The following RFC3 variants were observed in gnomAD, a reference collection of about 807,000 sequenced individuals.
RFC3 encodes replication factor C subunit 3.
Under a neutral mutation model 45.1 loss-of-function variants are expected in RFC3, and 41 were observed. That is an observed-to-expected ratio of 0.91 (90% CI 0.71 to 1.18). The LOEUF is 1.18. Among genes scored for constraint, RFC3 ranks in the 50% most tolerant of loss-of-function variants. The pLI is 0.00. For missense variants in RFC3, 423 were observed against 428.1 expected, an observed-to-expected ratio of 0.99 and a Z score of 0.10; for synonymous variants, 149 against 144.0, an observed-to-expected ratio of 1.03 and a Z score of -0.25.
intron 6 of RFC3, 105 bp downstream of exon 6, chr13:33,830,960 G>A (rs889632578): frequency 6.8e-6 from 6 of 880,848 alleles, no homozygotes; most frequent in Non-Finnish European, 8.6e-6. Context: ...GGGCAGGGGT[G>A]GGGGATGGTT....
intron 8 of RFC3, among the ~76,000 whole-genome samples, chr13:33,875,197 T>A (rs564927626): frequency 6.6e-4 from 100 of 152,136 alleles, no homozygotes; most frequent in African/African-American, 2.3e-3. Context: ...GGTTATGGAG[T>A]CTCATAGAGA....
At position 33,893,160 on chromosome 13, in the gene RFC3, T is replaced by C. The variant is rs1013578184; in HGVS notation, c.879+57943T>C. 5.9e-5 allele frequency among the ~76,000 whole-genome samples: 9 copies of C among 152,230 alleles called. No individual in the cohort carries two copies. The South Asian group carries it at 1.2e-3, about 21-fold the overall frequency. The stretch of plus-strand genomic sequence containing the variant: ...AAAGGGAGATGCCAAATCAGAGTGG[T>C]TGTTCAGCAGCACCACACCATTGGA... On this transcript the variant is annotated intron_variant, in intron 8 of 8. Coordinates refer to the RFC3 transcript ENST00000434425.
chr13:33,913,047 A>G (rs2082712533), intron 8 of RFC3, among the ~76,000 whole-genome samples: 1 of 152,142 alleles, frequency 6.6e-6, no homozygotes, highest in South Asian at 2.1e-4. Context: ...AAAGAGGATC[A>G]GAAGACAAAG....
intron 8 of RFC3, among the ~76,000 whole-genome samples, chr13:33,855,841 T>G (rs2082305820): frequency 6.6e-6 from 1 of 152,174 alleles, no homozygotes; most frequent in South Asian, 2.1e-4. Context: ...CTTGTAAATT[T>G]AAGTTTTTTA....
At chr13:33,930,181 G>C (rs555830040) in intron 8 of RFC3, among the ~76,000 whole-genome samples, 26 of 152,198 alleles carry the variant, frequency 1.7e-4, no homozygotes, top group African/African-American at 6.0e-4. Context: ...TATATATGAA[G>C]GGGAGCTTAT....
chr13:33,867,284 G>A (rs962120456), intron 8 of RFC3, among the ~76,000 whole-genome samples: 1 of 152,180 alleles, frequency 6.6e-6, no homozygotes, highest in African/African-American at 2.4e-5. Context: ...ACTCAGAGAT[G>A]TGCATGTCCA....
At chr13:33,960,345 G>T (rs1452015366) in intron 8 of RFC3, among the ~76,000 whole-genome samples, 1 of 152,222 alleles carries the variant, frequency 6.6e-6, no homozygotes, top group East Asian at 1.9e-4. Flanking sequence ...CACTCCATAA[G>T]ATCAGGGGCT....
rs1246113364 is a variant in RFC3, at chr13:33,836,155, G to C, written c.931G>C (p.Val311Leu). ...TTGTGATGGACAACTGAAAGGGGAG[G>C]TGGCACAAATGGCAGCTTACTATGA... Reference protein sequence around the residue: ...HNCDGQLKGEVAQMAAYYEHR... With the variant: ...HNCDGQLKGELAQMAAYYEHR... Residue 311 changes from valine (V) to leucine (L), a missense_variant, in exon 9 of 9, where the codon GTG (valine) becomes CTG (leucine). Coordinates refer to ENST00000380071, the MANE Select transcript of RFC3 (RefSeq NM_002915.4). 3.1e-6 allele frequency: 5 copies of C among 1,613,142 alleles called. No individual in the cohort carries two copies. In the African/African-American group the frequency reaches 4.0e-5, roughly 13 times the overall value.
downstream of RFC3, among the ~76,000 whole-genome samples, chr13:33,839,378 CG>C (rs987702329): frequency 6.6e-6 from 1 of 152,110 alleles, no homozygotes; most frequent in African/African-American, 2.4e-5. Context: ...TTCCTTGCCC[CG>C]ATGTTGAATC....
chr13:33,973,816 A>C, the RFC3 span, among the ~76,000 whole-genome samples: 1 of 151,894 alleles, frequency 6.6e-6, no homozygotes, highest in East Asian at 1.9e-4. Flanking sequence ...ACGCCTGGCT[A>C]ATTTTTGTGT....
At chr13:33,931,830 T>A (rs1255393889) in intron 8 of RFC3, among the ~76,000 whole-genome samples, 1 of 152,136 alleles carries the variant, frequency 6.6e-6, no homozygotes, top group Non-Finnish European at 1.5e-5. Flanking sequence ...ATGAATTCTT[T>A]TTAACACCTT....
At position 33,818,264 on chromosome 13, in the gene RFC3, T is replaced by C; in HGVS notation, c.86T>C (p.Leu29Pro). 6.2e-7 allele frequency: 1 copy of C among 1,613,180 alleles called. No homozygotes were observed. Among genetic ancestry groups the C allele is most frequent in the East Asian group, 2.2e-5 (1 of 44,872 alleles). The change falls in exon 1 of 9, where the codon CTG (leucine) becomes CCG (proline). Residue 29 changes from leucine (L) to proline (P), a missense_variant and splice_region_variant. Leu to Pro is a moderately conservative substitution (Grantham distance 98). Coordinates refer to ENST00000380071, the MANE Select transcript of RFC3 (RefSeq NM_002915.4). ...GAGCAGGCGGCCCAGCTGCGGAACC[T>C]GGTGAGTCTGCGGGGGCCGGGAGCG... is the stretch of plus-strand genomic sequence containing the variant. ...HKEQAAQLRNLVQCGDFPHLL... is the reference protein window; with the variant it reads ...HKEQAAQLRNPVQCGDFPHLL...
rs181075181 is a variant in RFC3, at chr13:33,905,884, C to A, written c.880-60203C>A. Among the ~76,000 whole-genome samples the A allele has an allele frequency of 6.5e-4, 99 of 152,200 alleles. 1 individual carries two copies. Among genetic ancestry groups the A allele is most frequent in the Admixed American group, 5.9e-3 (90 of 15,282 alleles). On this transcript the variant is annotated intron_variant, in intron 8 of 8. Coordinates refer to the RFC3 transcript ENST00000434425. ...TCTGACCTGATAAGACAATCCATAT[C>A]TATGTGCTAATAGGAAGAAGTCTTA...
At chr13:33,874,471 C>T (rs1401503234) in intron 8 of RFC3, among the ~76,000 whole-genome samples, 1 of 152,200 alleles carries the variant, frequency 6.6e-6, no homozygotes, top group Non-Finnish European at 1.5e-5. Context: ...GCATGCGCCA[C>T]CACGCCTGGC....
At chr13:33,907,989 A>T (rs2082681412) in intron 8 of RFC3, among the ~76,000 whole-genome samples, 1 of 151,624 alleles carries the variant, frequency 6.6e-6, no homozygotes. Flanking sequence ...TCTCCCTGAG[A>T]TCTTTTGTAA....
chr13:33,852,394 GC>G (rs2082282021), intron 8 of RFC3, among the ~76,000 whole-genome samples: 1 of 152,150 alleles, frequency 6.6e-6, no homozygotes, highest in Non-Finnish European at 1.5e-5. Flanking sequence ...GTCTAGCACT[GC>G]CCCCACCTAA....
intron 8 of RFC3, among the ~76,000 whole-genome samples, chr13:33,931,307 T>C (rs1483766866): frequency 1.3e-5 from 2 of 152,096 alleles, no homozygotes; most frequent in East Asian, 3.9e-4. Context: ...TCTCAGACTT[T>C]AGCACACAAC....
At position 33,860,028 on chromosome 13, in the gene RFC3, A is replaced by G. The variant is rs372747987; in HGVS notation, c.879+24811A>G. On this transcript the variant is annotated intron_variant, in intron 8 of 8. Transcript: ENST00000434425. ...TGAGGAAGAGACACCAGGGGCATGCATAGATGAAAGACCATGTGAGGACAC... is the reference window on the plus strand; with the variant it reads ...TGAGGAAGAGACACCAGGGGCATGCGTAGATGAAAGACCATGTGAGGACAC... Among the ~76,000 whole-genome samples the G allele has an allele frequency of 1.2e-3, 186 of 152,310 alleles. No homozygotes were observed. The South Asian group carries it at 0.021, about 17-fold the overall frequency.
In RFC3 at chr13:33,963,981, C is replaced by T. The variant is rs151337251; in HGVS notation, c.880-2106C>T. Reference sequence around the variant, plus strand: ...GCCACCTTCTGTCCTCTGCCCTCCGCCTTCAAGCTGGTCTTGACCATCATT... The same window carrying T: ...GCCACCTTCTGTCCTCTGCCCTCCGTCTTCAAGCTGGTCTTGACCATCATT... On this transcript the variant is annotated intron_variant, in intron 8 of 8. Coordinates refer to the RFC3 transcript ENST00000434425. 2.3e-3 allele frequency among the ~76,000 whole-genome samples: 356 copies of T among 152,310 alleles called. 2 individuals are homozygous for T. Among genetic ancestry groups the T allele is most frequent in the African/African-American group, 8.3e-3 (345 of 41,570 alleles).
Sources: gnomAD v4.1 joint callset for allele counts (sites outside exome capture counted in the v4.1 genomes callset) on GRCh38, gnomAD v4.1.1 for gene constraint, MANE v1.5 for transcripts, NCBI Gene and HGNC (gene_info 2026-07-23, HGNC 2026-07-21) for gene names.